The following PLEKHA5 variants were observed in gnomAD, a reference collection of about 807,000 sequenced individuals.
PLEKHA5 encodes the protein pleckstrin homology domain-containing family A member 5.
Under a neutral mutation model 181.9 loss-of-function variants are expected in PLEKHA5, and 55 were observed. The observed-to-expected ratio is 0.30, with a 90% CI of 0.24 to 0.38. PLEKHA5 has a LOEUF of 0.38. Ranked by LOEUF, PLEKHA5 falls within the 10% of genes least tolerant of loss-of-function variation. The pLI is 1.00. For missense variants in PLEKHA5, 1,432 were observed against 1,549.5 expected, an observed-to-expected ratio of 0.92 and a Z score of 1.27; for synonymous variants, 535 against 529.4, an observed-to-expected ratio of 1.01 and a Z score of -0.15.
intron 29 of PLEKHA5, 34 bp downstream of exon 29, chr12:19,361,740 A>G: frequency 6.4e-7 from 1 of 1,556,330 alleles, no homozygotes. Context: ...AATCATTCAC[A>G]AAACTGTGTA....
intron 21 of PLEKHA5, among the ~76,000 whole-genome samples, chr12:19,340,142 G>T (rs1450350396): frequency 1.3e-5 from 2 of 152,120 alleles, no homozygotes; most frequent in African/African-American, 4.8e-5. Context: ...CTGGGAGGAT[G>T]TATGTTTTAC....
At chr12:19,312,927 C>A (rs1220568475) in intron 15 of PLEKHA5, among the ~76,000 whole-genome samples, 2 of 152,138 alleles carry the variant, frequency 1.3e-5, no homozygotes, top group African/African-American at 4.8e-5. Flanking sequence ...GATAAGCATG[C>A]AAGTCTTCCT....
intron 7 of PLEKHA5, among the ~76,000 whole-genome samples, chr12:19,263,258 A>G (rs2069103889): frequency 6.6e-6 from 1 of 152,138 alleles, no homozygotes; most frequent in Middle Eastern, 3.2e-3. Flanking sequence ...CCTCACAGCT[A>G]CCTGATAACG....
intron 3 of PLEKHA5, among the ~76,000 whole-genome samples, chr12:19,162,193 T>G (rs2043114895): frequency 6.6e-6 from 1 of 152,168 alleles, no homozygotes; most frequent in African/African-American, 2.4e-5. Flanking sequence ...CATGGAATAC[T>G]AGGTTTATGT....
At chr12:19,340,434 CA>C (rs1555167438) in intron 21 of PLEKHA5, among the ~76,000 whole-genome samples, 177 of 124,912 alleles carry the variant, frequency 1.4e-3, no homozygotes, top group Non-Finnish European at 2.0e-3. Context: ...GCCCGGCCAC[CA>C]CCCCGTCTGG....
chr12:19,313,658 A>C (rs1255468720), intron 15 of PLEKHA5, among the ~76,000 whole-genome samples: 2 of 152,094 alleles, frequency 1.3e-5, no homozygotes, highest in Admixed American at 1.3e-4. Flanking sequence ...ATTTAAAAAT[A>C]AATGGTCTAG....
At position 19,142,315 on chromosome 12, in the gene PLEKHA5, G is replaced by A. The variant is rs183314611; in HGVS notation, c.227+9865G>A. On this transcript the variant is annotated intron_variant, in intron 3 of 31. Transcript: ENST00000429027. ...GCCCAGGAACTCAAAGCTGAGGTGA[G>A]CTATGATCATGCCACTGCACTTCAG... Among the ~76,000 whole-genome samples the A allele has an allele frequency of 1.1e-4, 16 of 152,298 alleles. No individual in the cohort carries two copies. In the East Asian group the frequency reaches 2.5e-3, roughly 24 times the overall value.
chr12:19,200,252 T>C, intron 3 of PLEKHA5: 2 of 1,051,694 alleles, frequency 1.9e-6, no homozygotes, highest in Non-Finnish European at 2.8e-6. Flanking sequence ...CCCTTAAATA[T>C]GTATAGATAT....
intron 15 of PLEKHA5, among the ~76,000 whole-genome samples, chr12:19,298,609 T>TCCAC (rs1259660805): frequency 6.6e-6 from 1 of 151,840 alleles, no homozygotes; most frequent in Non-Finnish European, 1.5e-5. Flanking sequence ...CCTCAGGTGA[T>TCCAC]CCACCCGCCT....
intron 7 of PLEKHA5, among the ~76,000 whole-genome samples, chr12:19,261,828 T>C (rs2068597476): frequency 6.6e-6 from 1 of 152,226 alleles, no homozygotes; most frequent in Admixed American, 6.5e-5. Context: ...ATTTTTTGAC[T>C]GCACAAAAGA....
At chr12:19,252,508 T>C (rs2065615177) in intron 3 of PLEKHA5, among the ~76,000 whole-genome samples, 1 of 151,656 alleles carries the variant, frequency 6.6e-6, no homozygotes, top group African/African-American at 2.4e-5. Flanking sequence ...ATAAATAGGG[T>C]TTTTTTCCTT....
chr12:19,356,114 G>A (rs769801695), intron 26 of PLEKHA5, among the ~76,000 whole-genome samples: 4 of 151,360 alleles, frequency 2.6e-5, no homozygotes, highest in Non-Finnish European at 4.4e-5. Context: ...GCAGTGAGTC[G>A]AGATTGTACC....
intron 20 of PLEKHA5, among the ~76,000 whole-genome samples, chr12:19,326,020 T>A (rs968484487): frequency 6.6e-6 from 1 of 151,674 alleles, no homozygotes; most frequent in African/African-American, 2.4e-5. Context: ...AAAAATAAAA[T>A]AAATAAAATA....
rs777589901 is a variant in PLEKHA5, at chr12:19,322,297, T to C, written c.2218-13T>C. The C allele has an allele frequency of 1.9e-6, 3 of 1,591,756 alleles. No individual in the cohort carries two copies. The highest frequency in any genetic ancestry group is 2.2e-5 in the South Asian group (2 of 89,718). On this transcript the variant is annotated splice_polypyrimidine_tract_variant and intron_variant, in intron 18 of 31. Transcript: ENST00000429027. ...AAAAAATTGCTAACAAGACATCTTC[T>C]CTTATAACCTAGGCCAAGTTAAGCC...
At chr12:19,190,996 T>C (rs1020624577) in intron 3 of PLEKHA5, among the ~76,000 whole-genome samples, 1 of 152,230 alleles carries the variant, frequency 6.6e-6, no homozygotes, top group African/African-American at 2.4e-5. Flanking sequence ...TTTCCTATGA[T>C]GTAAACATAT....
chr12:19,310,127 G>T (rs1198082660), intron 15 of PLEKHA5, among the ~76,000 whole-genome samples: 1 of 152,020 alleles, frequency 6.6e-6, no homozygotes, highest in Non-Finnish European at 1.5e-5. Context: ...TTCAAAGAAG[G>T]AATTAAAGTA....
chr12:19,355,350 T>TG (rs1350593147), intron 26 of PLEKHA5, among the ~76,000 whole-genome samples: 1 of 147,862 alleles, frequency 6.8e-6, no homozygotes, highest in East Asian at 2.0e-4. Context: ...TAGTCTTTTT[T>TG]TTTTTTTTTT....
intron 3 of PLEKHA5, among the ~76,000 whole-genome samples, chr12:19,133,886 G>A (rs2034792917): frequency 6.6e-6 from 1 of 151,984 alleles, no homozygotes; most frequent in Non-Finnish European, 1.5e-5. Flanking sequence ...ATTAAAGTGA[G>A]TTGATATTGC....
At chr12:19,181,824 A>T (rs2048668984) in intron 3 of PLEKHA5, among the ~76,000 whole-genome samples, 1 of 152,112 alleles carries the variant, frequency 6.6e-6, no homozygotes, top group Non-Finnish European at 1.5e-5. Context: ...AAGACAACTA[A>T]GGTAAGGTAA....
Sources: allele counts gnomAD v4.1 joint callset (sites outside exome capture counted in the v4.1 genomes callset), GRCh38; gene constraint gnomAD v4.1.1; transcripts MANE v1.5; gene names NCBI Gene and HGNC (gene_info 2026-07-23, HGNC 2026-07-21).